GRM7: variants seen among roughly 807,000 people sequenced by gnomAD.
GRM7 encodes the protein metabotropic glutamate receptor 7.
Under a neutral mutation model 84.5 loss-of-function variants are expected in GRM7, and 35 were observed. That is an observed-to-expected ratio of 0.41 (90% confidence interval 0.32 to 0.55). The LOEUF is 0.55. Ranked by LOEUF, GRM7 falls within the 20% of genes least tolerant of loss-of-function variation. The pLI, the probability that GRM7 is intolerant of heterozygous loss-of-function variation, is 0.19. For missense variants in GRM7, 1,003 were observed against 1,194.6 expected, an observed-to-expected ratio of 0.84 and a Z score of 2.36; for synonymous variants, 487 against 455.1, an observed-to-expected ratio of 1.07 and a Z score of -0.89.
At chr3:7,604,475 C>T (rs1696466163) in intron 8 of GRM7, among the ~76,000 whole-genome samples, 1 of 152,160 alleles carries the variant, frequency 6.6e-6, no homozygotes, top group African/African-American at 2.4e-5. Context: ...GCAAATTTCT[C>T]CCTTCTCAAG....
chr3:6,956,438 T>C, intron 1 of GRM7: 1 of 409,696 alleles, frequency 2.4e-6, no homozygotes, highest in South Asian at 1.8e-5. Context: ...CCTTTCTCTC[T>C]AAGACTTTGG....
At chr3:7,695,622 C>A (rs537940761) in intron 9 of GRM7, among the ~76,000 whole-genome samples, 1 of 152,210 alleles carries the variant, frequency 6.6e-6, no homozygotes, top group African/African-American at 2.4e-5. Flanking sequence ...GATGCTGGAG[C>A]CCATATACCT....
chr3:7,703,581 A>G (rs186893887), intron 9 of GRM7, among the ~76,000 whole-genome samples: 52 of 152,250 alleles, frequency 3.4e-4, no homozygotes, highest in Admixed American at 6.5e-4. Context: ...AATTGTGCCA[A>G]TCTAAAAATG....
intron 4 of GRM7, among the ~76,000 whole-genome samples, chr3:7,314,951 G>A (rs1290330101): frequency 6.6e-6 from 1 of 151,722 alleles, no homozygotes; most frequent in Non-Finnish European, 1.5e-5. Flanking sequence ...CTACAATCAA[G>A]TTTGTTTAGT....
At chr3:7,479,301 T>C (rs1699041285) in intron 7 of GRM7, among the ~76,000 whole-genome samples, 1 of 151,986 alleles carries the variant, frequency 6.6e-6, no homozygotes, top group Non-Finnish European at 1.5e-5. Context: ...GAAGCTTCGG[T>C]ACTCATCTAC....
At chr3:7,678,173 A>G (rs578107141) in intron 8 of GRM7, among the ~76,000 whole-genome samples, 5 of 152,308 alleles carry the variant, frequency 3.3e-5, no homozygotes, top group Admixed American at 2.6e-4. Flanking sequence ...GCATCATGCA[A>G]TATACCCATG....
rs1699318498 is a variant in GRM7 at position 7,486,277 on chromosome 3, G to C, written c.1515+24555G>C. Among the ~76,000 whole-genome samples, 1 of 152,054 alleles carries C rather than the reference G, an allele frequency of 6.6e-6. No homozygotes were observed. The highest frequency in any genetic ancestry group is 2.1e-4 in the South Asian group (1 of 4,820). Reference sequence around the variant, plus strand: ...GTGTTTTTGCTTCCCAAGAAATGATGGTAATGATAATGGCGATGATGGTGA... The same window carrying C: ...GTGTTTTTGCTTCCCAAGAAATGATCGTAATGATAATGGCGATGATGGTGA... On this transcript the variant is annotated intron_variant, in intron 7 of 9. Coordinates refer to ENST00000357716, the MANE Select transcript of GRM7 (RefSeq NM_000844.4). The surrounding 1 kb of genome is among the most constrained non-coding windows in gnomAD (Gnocchi z 5.5).
intron 2 of GRM7, among the ~76,000 whole-genome samples, chr3:7,294,076 AT>A (rs1699730766): frequency 6.6e-6 from 1 of 152,106 alleles, no homozygotes; most frequent in South Asian, 2.1e-4. Context: ...GAGGTGTTTA[AT>A]TTTGCTCACC....
chr3:7,062,341 A>G (rs1400886910), intron 1 of GRM7, among the ~76,000 whole-genome samples: 1 of 151,592 alleles, frequency 6.6e-6, no homozygotes, highest in Non-Finnish European at 1.5e-5. Context: ...AGTGTGTGGA[A>G]CTGAGTTTTG....
chr3:7,062,091 A>G (rs562969834), intron 1 of GRM7, among the ~76,000 whole-genome samples: 3 of 151,812 alleles, frequency 2.0e-5, no homozygotes, highest in African/African-American at 7.2e-5. Flanking sequence ...ACACAAAGTA[A>G]GCCCACTCCG....
At chr3:6,949,532 T>G (rs1692622758) in intron 1 of GRM7, among the ~76,000 whole-genome samples, 1 of 151,978 alleles carries the variant, frequency 6.6e-6, no homozygotes, top group Non-Finnish European at 1.5e-5. Context: ...CAATTATGTG[T>G]CTTGGAGTTG....
intron 8 of GRM7, among the ~76,000 whole-genome samples, chr3:7,658,294 A>G (rs1489103942): frequency 2.0e-5 from 3 of 152,226 alleles, no homozygotes; most frequent in Non-Finnish European, 2.9e-5. Flanking sequence ...TGCTCACTGT[A>G]TAGCTTTTGA....
intron 2 of GRM7, among the ~76,000 whole-genome samples, chr3:7,176,318 G>A (rs1200429474): frequency 6.6e-6 from 1 of 150,600 alleles, no homozygotes; most frequent in Non-Finnish European, 1.5e-5. Context: ...GGCAAAGGTG[G>A]GAGGATTGAT....
At chr3:7,089,936 G>C (rs1574887492) in intron 1 of GRM7, among the ~76,000 whole-genome samples, 1 of 151,976 alleles carries the variant, frequency 6.6e-6, no homozygotes, top group Non-Finnish European at 1.5e-5. Context: ...TCTACTCCCC[G>C]GGTTCAAGTG....
chr3:7,702,048 T>C (rs1351967306), intron 9 of GRM7, among the ~76,000 whole-genome samples: 5 of 152,062 alleles, frequency 3.3e-5, no homozygotes, highest in Non-Finnish European at 1.5e-5. Context: ...GGGAAGGAAG[T>C]AAAGAAAAAA....
intron 3 of GRM7, among the ~76,000 whole-genome samples, chr3:7,304,080 G>A (rs915151896): frequency 4.6e-5 from 7 of 151,988 alleles, no homozygotes; most frequent in Non-Finnish European, 7.4e-5. Flanking sequence ...TGCATCATAC[G>A]TGGTAAAGAA....
intron 1 of GRM7, among the ~76,000 whole-genome samples, chr3:6,883,615 A>T (rs1038760514): frequency 6.6e-6 from 1 of 152,202 alleles, no homozygotes; most frequent in African/African-American, 2.4e-5. Flanking sequence ...ACTCCATTGA[A>T]TATTGCCTTA....
chr3:7,335,552 C>A (rs1701384750), intron 4 of GRM7, among the ~76,000 whole-genome samples: 1 of 151,660 alleles, frequency 6.6e-6, no homozygotes, highest in African/African-American at 2.4e-5. Context: ...AAAGAAACAA[C>A]AAAGATCAGA....
intron 9 of GRM7, among the ~76,000 whole-genome samples, chr3:7,722,548 T>C (rs162799): frequency 0.67 from 101,690 of 151,320 alleles, 35,827 homozygotes; most frequent in Middle Eastern, 0.84. Flanking sequence ...ATTTAAGAGA[T>C]TGTTCTGCCT....
Sources: allele counts gnomAD v4.1 joint callset (sites outside exome capture counted in the v4.1 genomes callset), GRCh38; gene constraint gnomAD v4.1.1; non-coding constraint Gnocchi (gnomAD v3.1); transcripts MANE v1.5; gene names NCBI Gene and HGNC (gene_info 2026-07-23, HGNC 2026-07-21).